The following CSMD1 variants were observed in gnomAD, a reference collection of about 807,000 sequenced individuals.
CSMD1 encodes the protein CUB and sushi domain-containing protein 1.
In CSMD1, 213 loss-of-function variants were observed where a neutral mutation model predicts 417.5. That is an observed-to-expected ratio of 0.51 (90% CI 0.46 to 0.57). The LOEUF (loss-of-function observed/expected upper bound fraction) is 0.57, where lower values mean the gene tolerates loss of function less well. CSMD1 is among the 20% of genes least tolerant of loss of function. The pLI is 0.00. For missense variants in CSMD1, 6,923 were observed against 4,529.7 expected (o/e 1.53, Z -15.17); for synonymous variants, 2,862 against 1,736.8 (o/e 1.65, Z -16.11).
At chr8:3,723,196 G>A (rs543123706) in intron 6 of CSMD1, among the ~76,000 whole-genome samples, 3 of 152,282 alleles carry the variant, frequency 2.0e-5, no homozygotes, top group South Asian at 2.1e-4. Flanking sequence ...GGCACTCAGG[G>A]AAGCTTGTGG....
At chr8:4,295,585 A>G (rs1351308995) in intron 3 of CSMD1, among the ~76,000 whole-genome samples, 1 of 144,774 alleles carries the variant, frequency 6.9e-6, no homozygotes, top group Non-Finnish European at 1.5e-5. Flanking sequence ...AGGGCTTATT[A>G]AGGGCTTAAG....
At chr8:4,015,083 T>C (rs1326199552) in intron 4 of CSMD1, among the ~76,000 whole-genome samples, 2 of 152,208 alleles carry the variant, frequency 1.3e-5, no homozygotes. Flanking sequence ...GAATTGTTTA[T>C]TGCAAAGTAT....
intron 5 of CSMD1, among the ~76,000 whole-genome samples, chr8:3,875,617 G>A (rs374855749): frequency 2.9e-4 from 44 of 152,254 alleles, no homozygotes; most frequent in Non-Finnish European, 4.6e-4. Flanking sequence ...AGAGGAGGAG[G>A]ACCAGAGTTT....
At chr8:3,222,891 G>A (rs2116867247) in intron 28 of CSMD1, among the ~76,000 whole-genome samples, 1 of 152,282 alleles carries the variant, frequency 6.6e-6, no homozygotes, top group East Asian at 1.9e-4. Flanking sequence ...GTGAGGGTAT[G>A]TAAACACATT....
chr8:3,451,873 G>T (rs1054916023), intron 12 of CSMD1, among the ~76,000 whole-genome samples: 1 of 152,090 alleles, frequency 6.6e-6, no homozygotes, highest in Non-Finnish European at 1.5e-5. Context: ...GTAGCTTGAT[G>T]GGGATGGCAT....
In CSMD1 at chr8:3,029,481, A is replaced by C. The variant is rs1185288787; in HGVS notation, c.7693T>G (p.Ser2565Ala). Reference protein sequence around the residue: ...VACPSIEAQLSEHVIWRLVSG... With the variant: ...VACPSIEAQLAEHVIWRLVSG... ...ACCAGCCTCCAGATGACATGTTCTG[A>C]GAGCTGAGCTTCAATGCTGGGGCAA... The change falls in exon 51 of 70, where the codon TCA (serine) becomes GCA (alanine). Residue 2565 changes from serine (S) to alanine (A), a missense_variant. Ser to Ala is a moderately conservative substitution (Grantham distance 99). Transcript: ENST00000635120. 1.2e-6 allele frequency: 2 copies of C among 1,604,544 alleles called. No homozygotes were observed. Among genetic ancestry groups the C allele is most frequent in the Admixed American group, 3.4e-5 (2 of 58,446 alleles).
chr8:3,522,856 A>G (rs1181081159), intron 10 of CSMD1, among the ~76,000 whole-genome samples: 1 of 150,100 alleles, frequency 6.7e-6, no homozygotes, highest in Non-Finnish European at 1.5e-5. Flanking sequence ...ATATAATTAT[A>G]TATTTAATGT....
chr8:3,962,277 G>A (rs149605660), intron 5 of CSMD1, among the ~76,000 whole-genome samples: 2 of 151,824 alleles, frequency 1.3e-5, no homozygotes, highest in African/African-American at 2.4e-5. Flanking sequence ...CTTCTGTCCT[G>A]GAACTGCCCT....
intron 1 of CSMD1, among the ~76,000 whole-genome samples, chr8:4,816,083 G>T (rs1441318051): frequency 2.0e-5 from 3 of 152,188 alleles, no homozygotes; most frequent in African/African-American, 4.8e-5. Context: ...TTAGGGAGCA[G>T]AACTGGGCAG....
intron 25 of CSMD1, among the ~76,000 whole-genome samples, chr8:3,301,862 T>C (rs542283987): frequency 6.6e-6 from 1 of 152,228 alleles, no homozygotes; most frequent in African/African-American, 2.4e-5. Context: ...GTCATGGGAA[T>C]TCATAATGGT....
chr8:3,085,685 G>T (rs1410518151), intron 49 of CSMD1, among the ~76,000 whole-genome samples: 1 of 152,146 alleles, frequency 6.6e-6, no homozygotes, highest in African/African-American at 2.4e-5. Flanking sequence ...CATGGGAGAA[G>T]AAAGAAGTCA....
intron 26 of CSMD1, among the ~76,000 whole-genome samples, chr8:3,230,651 T>C (rs73660619): frequency 0.07 from 10,679 of 152,196 alleles, 481 homozygotes; most frequent in East Asian, 0.22. Context: ...CCTTAAGGTC[T>C]GTGCCTTCAA....
At chr8:3,107,949 C>T (rs984759940) in intron 44 of CSMD1, among the ~76,000 whole-genome samples, 151 bp from the exon 45 acceptor site, 2 of 152,106 alleles carry the variant, frequency 1.3e-5, no homozygotes, top group Non-Finnish European at 2.9e-5. Context: ...TATAAAATTC[C>T]CAAGCTTCAA....
In CSMD1 at chr8:3,343,265, A is replaced by G. The variant is rs1443223847; in HGVS notation, c.3631+29T>C. On this transcript the variant is annotated intron_variant, in intron 23 of 69. Coordinates refer to ENST00000635120, the MANE Select transcript of CSMD1 (RefSeq NM_033225.6). ...AGATATGTCCTGACAAAATGAAAAAAGAACGTGATTAAGTCGTATGTTACT... is the reference window on the plus strand; with the variant it reads ...AGATATGTCCTGACAAAATGAAAAAGGAACGTGATTAAGTCGTATGTTACT... 3.1e-6 allele frequency: 5 copies of G among 1,597,422 alleles called. No individual in the cohort carries two copies. The African/African-American group carries it at 4.0e-5, about 13-fold the overall frequency.
chr8:4,821,474 C>T (rs190393600), intron 1 of CSMD1, among the ~76,000 whole-genome samples: 28 of 152,234 alleles, frequency 1.8e-4, no homozygotes, highest in African/African-American at 3.6e-4. Context: ...GTACAGGGAA[C>T]GCACTTTTCT....
At chr8:3,206,344 G>C (rs191901769) in intron 30 of CSMD1, among the ~76,000 whole-genome samples, 4 of 136,224 alleles carry the variant, frequency 2.9e-5, no homozygotes, top group East Asian at 2.3e-4. Flanking sequence ...TGTGTGTTTG[G>C]GGTGTGTGTG....
At chr8:3,194,075 G>T (rs555345594) in intron 33 of CSMD1, among the ~76,000 whole-genome samples, 10 of 152,186 alleles carry the variant, frequency 6.6e-5, no homozygotes, top group Non-Finnish European at 1.3e-4. Flanking sequence ...GGAAAATCAG[G>T]TTGGACAAGC....
chr8:4,674,399 T>G (rs1231441046), intron 1 of CSMD1, among the ~76,000 whole-genome samples: 2 of 151,478 alleles, frequency 1.3e-5, no homozygotes, highest in Non-Finnish European at 2.9e-5. Context: ...CTGAAGAAGG[T>G]AAAGGCAAGT....
At chr8:4,491,785 G>C (rs1359254528) in intron 2 of CSMD1, among the ~76,000 whole-genome samples, 2 of 152,146 alleles carry the variant, frequency 1.3e-5, no homozygotes, top group Non-Finnish European at 2.9e-5. Flanking sequence ...ACGCAGAATG[G>C]TAGAGTCACG....
Sources: allele counts gnomAD v4.1 joint callset (sites outside exome capture counted in the v4.1 genomes callset), GRCh38; gene constraint gnomAD v4.1.1; transcripts MANE v1.5; gene names NCBI Gene and HGNC (gene_info 2026-07-23, HGNC 2026-07-21).